DNAJC2: variants seen among roughly 807,000 people sequenced by gnomAD.
DNAJC2 encodes the protein DnaJ heat shock protein family (Hsp40) member C2.
A neutral mutation model predicts 94.0 loss-of-function variants in DNAJC2; 32 were observed. That is an observed-to-expected ratio of 0.34 (90% confidence interval 0.26 to 0.46). The LOEUF (loss-of-function observed/expected upper bound fraction) is 0.46. Ranked by LOEUF, DNAJC2 falls within the 20% of genes least tolerant of loss-of-function variation. The pLI is 1.00. For missense variants in DNAJC2, 550 were observed against 719.5 expected (o/e 0.76, Z 2.69); for synonymous variants, 210 against 229.7 (o/e 0.91, Z 0.77).
intron 15 of DNAJC2, chr7:103,314,241 G>T (rs1013472204): frequency 2.5e-5 from 25 of 985,370 alleles, no homozygotes; most frequent in Non-Finnish European, 2.7e-5. Context: ...TGACATGGCA[G>T]TATTTCCTGC....
At position 103,344,730 on chromosome 7, in the gene DNAJC2, C is replaced by G; in HGVS notation, c.-108G>C. The G allele has an allele frequency of 8.5e-7, 1 of 1,177,052 alleles. No individual in the cohort carries two copies. Among genetic ancestry groups the G allele is most frequent in the East Asian group, 2.4e-5 (1 of 41,584 alleles). The allele number at this position is 1,177,052 out of a possible 1,614,324, so 72.9% of individuals were successfully genotyped here. A position where few individuals can be genotyped will look rare whatever the true frequency, so the allele number is the denominator to read the frequency against. On this transcript the variant is annotated 5_prime_UTR_variant, in exon 1 of 17. Coordinates refer to ENST00000379263, the MANE Select transcript of DNAJC2 (RefSeq NM_014377.3). ...TCACTCCGAGCCTCGCGCCTTGGCT[C>G]TAAGACGCCCAGGAACCGGCGCATG...
At chr7:103,317,234 G>C in intron 12 of DNAJC2, 2 of 502,170 alleles carry the variant, frequency 4.0e-6, no homozygotes, top group Admixed American at 3.7e-5. Context: ...CAGCCTGCCT[G>C]ATTTTCCCAG....
In DNAJC2 at chr7:103,319,605, T is replaced by C. The variant is rs781529486; in HGVS notation, c.1242+4A>G. 4.3e-6 allele frequency: 7 copies of C among 1,613,872 alleles called. No homozygotes were observed. The highest frequency in any genetic ancestry group is 5.1e-6 in the Non-Finnish European group (6 of 1,179,802). ...TAGGTAGGAGTGATGTGTTCCTCTATTACCTGTTTTTCCAAAGCAGCCTTT... is the reference window on the plus strand; with the variant it reads ...TAGGTAGGAGTGATGTGTTCCTCTACTACCTGTTTTTCCAAAGCAGCCTTT... On this transcript the variant is annotated splice_donor_region_variant and intron_variant, in intron 12 of 16. Transcript: ENST00000379263.
chr7:103,313,941 C>G, intron 15 of DNAJC2: 1 of 985,326 alleles, frequency 1.0e-6, no homozygotes, highest in African/African-American at 1.7e-5. Flanking sequence ...TACCAGTAGC[C>G]TGACTACTAC....
intron 2 of DNAJC2, among the ~76,000 whole-genome samples, chr7:103,340,264 T>C (rs187696105): frequency 3.9e-5 from 6 of 152,366 alleles, no homozygotes; most frequent in Non-Finnish European, 7.3e-5. Context: ...CCCTTCTTAG[T>C]ATCTTCTGCT....
At chr7:103,320,085 T>C (rs1818297983) in intron 10 of DNAJC2, among the ~76,000 whole-genome samples, 1 of 152,024 alleles carries the variant, frequency 6.6e-6, no homozygotes, top group Admixed American at 6.6e-5. Flanking sequence ...TCAGTGTAAA[T>C]GTTTTTAACT....
chr7:103,341,811 A>T lies in DNAJC2; in HGVS notation c.208T>A (p.Leu70Met), dbSNP rs116050414. The change falls in exon 2 of 17, where the codon TTG becomes ATG. Residue 70 changes from leucine (L) to methionine (M), a missense_variant. Coordinates refer to ENST00000379263, the MANE Select transcript of DNAJC2 (RefSeq NM_014377.3). ...SEESEDEELQ[L>M]EEFPMLKTLD... ...GTTTTCAGCATGGGAAACTCTTCCA[A>T]CTGCAATTCTTCATCTTCTGATTCC... 2,142 of 1,608,240 alleles carry T rather than the reference A, an allele frequency of 1.3e-3. 29 individuals are homozygous for T. In the African/African-American group the frequency reaches 0.026, roughly 19 times the overall value.
Position 103,316,072 on chromosome 7 carries a change from T to C in DNAJC2, c.1444A>G (p.Asn482Asp). 6.3e-7 allele frequency: 1 copy of C among 1,583,452 alleles called. No homozygotes were observed. Among genetic ancestry groups the C allele is most frequent in the Non-Finnish European group, 8.6e-7 (1 of 1,164,538 alleles). The change falls in exon 14 of 17, where the codon AAT becomes GAT. Residue 482 changes from asparagine to aspartate, a missense_variant. Around this residue, in one of 2 missense-constraint regions of DNAJC2, gnomAD observed 271 missense variants for 302.6 expected, o/e 0.90. Coordinates refer to ENST00000379263, the MANE Select transcript of DNAJC2 (RefSeq NM_014377.3). ...GTNSRWEVIA[N>D]YMNIHSSSGV... Reference sequence around the variant, plus strand: ...GAGGAAGAATGTATGTTCATGTAATTAGCAATAACTTCCCATCTGATAGGA... The same window carrying C: ...GAGGAAGAATGTATGTTCATGTAATCAGCAATAACTTCCCATCTGATAGGA...
intron 1 of DNAJC2, among the ~76,000 whole-genome samples, chr7:103,343,798 A>G (rs924370039): frequency 3.3e-5 from 5 of 152,164 alleles, no homozygotes; most frequent in African/African-American, 9.7e-5. Context: ...GTGGCTTTTA[A>G]GAACACTGCC....
At chr7:103,315,475 T>C (rs1817998423) in intron 15 of DNAJC2, among the ~76,000 whole-genome samples, 1 of 152,190 alleles carries the variant, frequency 6.6e-6, no homozygotes, top group Non-Finnish European at 1.5e-5. Flanking sequence ...TATCCCGATA[T>C]AACACTATTC....
Position 103,317,020 on chromosome 7 carries a change from C to T in DNAJC2, c.1243-6G>A. 1 of 1,611,086 alleles carries T rather than the reference C, an allele frequency of 6.2e-7. No individual in the cohort carries two copies. The highest frequency in any genetic ancestry group is 1.3e-5 in the African/African-American group (1 of 74,880). On this transcript the variant is annotated splice_polypyrimidine_tract_variant and splice_region_variant and intron_variant, in intron 12 of 16. Coordinates refer to ENST00000379263, the MANE Select transcript of DNAJC2 (RefSeq NM_014377.3). ...TGCTCATTTATTTCTTCTATCTGCA[C>T]AAATATCATAAGTCAGGGACTTAGA... is the stretch of plus-strand genomic sequence containing the variant.
chr7:103,331,062 G>T (rs553882773), intron 3 of DNAJC2, among the ~76,000 whole-genome samples: 1 of 151,752 alleles, frequency 6.6e-6, no homozygotes, highest in Non-Finnish European at 1.5e-5. Flanking sequence ...GGGTTCCAGC[G>T]ATTCTCCTGT....
rs749422802 is a variant in DNAJC2, at chr7:103,329,074, C to T, written c.332-1320G>A. The T allele has an allele frequency of 6.1e-4, 612 of 997,506 alleles. 9 individuals carry two copies. The highest frequency in any genetic ancestry group is 1.4e-4 in the Non-Finnish European group (106 of 756,326). The allele number at this position is 997,506 out of a possible 1,614,324, so 61.8% of individuals were successfully genotyped here. On this transcript the variant is annotated intron_variant, in intron 3 of 16. Coordinates refer to ENST00000379263, the MANE Select transcript of DNAJC2 (RefSeq NM_014377.3). ...CTAATTATTTAAAATTTGTGATTAT[C>T]GCTGGTGGTCAACAATTTTTTTGTT...
intron 3 of DNAJC2, chr7:103,335,824 T>G (rs1475511496): frequency 6.6e-6 from 1 of 152,244 alleles, no homozygotes; most frequent in African/African-American, 2.4e-5. Flanking sequence ...GGATTACAGG[T>G]GTGACCCACT....
intron 5 of DNAJC2, among the ~76,000 whole-genome samples, chr7:103,325,627 G>C (rs1424578863): frequency 6.6e-6 from 1 of 152,116 alleles, no homozygotes; most frequent in Non-Finnish European, 1.5e-5. Context: ...TTTCCAGGTG[G>C]AACTCAGGCA....
chr7:103,343,027 T>C (rs1819445340), intron 1 of DNAJC2, among the ~76,000 whole-genome samples: 2 of 151,784 alleles, frequency 1.3e-5, no homozygotes, highest in African/African-American at 4.8e-5. Context: ...GAGACGGAGT[T>C]TTGCTCTTGT....
intron 6 of DNAJC2, among the ~76,000 whole-genome samples, chr7:103,324,168 G>C (rs1288784456): frequency 6.6e-6 from 1 of 152,194 alleles, no homozygotes; most frequent in Non-Finnish European, 1.5e-5. Context: ...ATTAGTTACA[G>C]AGACAAATAG....
intron 3 of DNAJC2, among the ~76,000 whole-genome samples, chr7:103,334,833 G>T (rs184362313): frequency 6.6e-6 from 1 of 151,962 alleles, no homozygotes; most frequent in Admixed American, 6.6e-5. Context: ...AATATTTTTG[G>T]TATTTTTTTG....
chr7:103,326,743 A>G (rs1818730138), intron 4 of DNAJC2, 59 bp from the exon 5 acceptor site: 1 of 1,495,480 alleles, frequency 6.7e-7, no homozygotes. Context: ...TTCCTGCAAG[A>G]AAACAAGTAT....
Sources: allele counts gnomAD v4.1 joint callset (sites outside exome capture counted in the v4.1 genomes callset), GRCh38; gene constraint gnomAD v4.1.1; regional missense constraint gnomAD v4.1.1; transcripts MANE v1.5; gene names NCBI Gene and HGNC (gene_info 2026-07-23, HGNC 2026-07-21).